ATG7: variants seen among roughly 807,000 people sequenced by gnomAD.
The protein encoded by ATG7 is ubiquitin-like modifier-activating enzyme ATG7.
ATG7 carries 70 observed loss-of-function variants against 82.4 expected under a neutral mutation model. That is an observed-to-expected ratio of 0.85 (90% CI 0.70 to 1.04). ATG7 has a LOEUF of 1.04. Ranked by LOEUF, ATG7 falls within the 50% of genes least tolerant of loss-of-function variation. The pLI is 0.00. For missense variants in ATG7, 792 were observed against 864.3 expected, an observed-to-expected ratio of 0.92 and a Z score of 1.05; for synonymous variants, 287 against 313.0, an observed-to-expected ratio of 0.92 and a Z score of 0.88.
At chr3:11,379,031 G>A (rs1386554684) in intron 18 of ATG7, among the ~76,000 whole-genome samples, 1 of 152,028 alleles carries the variant, frequency 6.6e-6, no homozygotes, top group Admixed American at 6.5e-5. Context: ...GAGAAGCTCA[G>A]GCCGGGGGCA....
Position 11,554,948 on chromosome 3 carries a change from C to G in ATG7, c.*105C>G. Reference sequence around the variant, plus strand: ...CAGGCCTGGTGATTCTGGGCCCCTCCTCCATACCCCGAGGTCTGGGATTCC... The same window carrying G: ...CAGGCCTGGTGATTCTGGGCCCCTCGTCCATACCCCGAGGTCTGGGATTCC... On this transcript the variant is annotated 3_prime_UTR_variant, in exon 21 of 21. Coordinates refer to ENST00000693202, the MANE Select transcript of ATG7 (RefSeq NM_001349232.2). 4 of 1,405,802 alleles carry G rather than the reference C, an allele frequency of 2.8e-6. No homozygotes were observed. Among genetic ancestry groups the G allele is most frequent in the Non-Finnish European group, 3.8e-6 (4 of 1,041,618 alleles). 87.1% of individuals were successfully genotyped at this position (1,405,802 alleles called of 1,614,324 possible). A position where few individuals can be genotyped will look rare whatever the true frequency, so the allele number is the denominator to read the frequency against.
chr3:11,456,457 T>C (rs761279305), intron 20 of ATG7, among the ~76,000 whole-genome samples: 3 of 152,250 alleles, frequency 2.0e-5, no homozygotes, highest in African/African-American at 7.2e-5. Flanking sequence ...CGTGTACAAG[T>C]TGTTGTATGA....
intron 20 of ATG7, among the ~76,000 whole-genome samples, chr3:11,524,457 GTTTTTTAT>G (rs940843873): frequency 3.9e-5 from 6 of 152,118 alleles, no homozygotes; most frequent in Non-Finnish European, 8.8e-5. Context: ...TGTATAGTCT[GTTTTTTAT>G]GCTTTAATAA....
intron 9 of ATG7, among the ~76,000 whole-genome samples, chr3:11,318,601 T>C (rs1051553206): frequency 6.6e-6 from 1 of 152,234 alleles, no homozygotes; most frequent in African/African-American, 2.4e-5. Context: ...AATTTGATCA[T>C]GTAACTCTTC....
intron 3 of ATG7, among the ~76,000 whole-genome samples, chr3:11,294,037 AAAAG>A (rs1293359697): frequency 7.3e-5 from 11 of 151,536 alleles, no homozygotes; most frequent in South Asian, 2.1e-4. Context: ...AAAAAAAAGA[AAAAG>A]AAAGAAAGAA....
chr3:11,521,357 C>A (rs927266533), intron 20 of ATG7, among the ~76,000 whole-genome samples: 1 of 152,074 alleles, frequency 6.6e-6, no homozygotes, highest in Admixed American at 6.5e-5. Flanking sequence ...AGGGTGACCT[C>A]ACCTGGACTC....
chr3:11,574,330 C>G, the ATG7 span, among the ~76,000 whole-genome samples: 1 of 152,164 alleles, frequency 6.6e-6, no homozygotes, highest in African/African-American at 2.4e-5. Flanking sequence ...AAAGAGAGGT[C>G]CTGAGATCCA....
chr3:11,306,093 T>C (rs527819729), intron 5 of ATG7, among the ~76,000 whole-genome samples: 68 of 152,188 alleles, frequency 4.5e-4, no homozygotes, highest in Non-Finnish European at 7.5e-4. Flanking sequence ...CCTCTTCTCT[T>C]CTCCTGACTT....
In ATG7 at chr3:11,347,886, G is replaced by C. The variant is rs539946500; in HGVS notation, c.1135G>C (p.Val379Leu). The C allele has an allele frequency of 1.2e-6, 2 of 1,613,886 alleles. No individual in the cohort carries two copies. The highest frequency in any genetic ancestry group is 1.1e-5 in the South Asian group (1 of 91,042). The change falls in exon 14 of 21, where the codon GTG becomes CTG. Residue 379 changes from valine (V) to leucine (L), a missense_variant. Val to Leu is a conservative substitution (Grantham distance 32). Coordinates refer to ENST00000693202, the MANE Select transcript of ATG7 (RefSeq NM_001349232.2). Reference protein sequence around the residue: ...NVARTLMGWGVRHITFVDNAK... With the variant: ...NVARTLMGWGLRHITFVDNAK... ...TCCTGTTTCCACACAGGGTTGGGGC[G>C]TGAGACACATCACATTTGTGGACAA...
chr3:11,551,159 G>A (rs371330517), intron 20 of ATG7, among the ~76,000 whole-genome samples: 1 of 151,996 alleles, frequency 6.6e-6, no homozygotes, highest in East Asian at 1.9e-4. Context: ...TTCTGTACTC[G>A]TCGTGTCCTG....
In ATG7 at chr3:11,420,954, A is replaced by G. The variant is rs141570770; in HGVS notation, c.1957-5850A>G. ...GTATTTTTAGTAGAGATGGGGTTTC[A>G]CCGTGTTAGCCAGGATGGTCTCAAT... is the stretch of plus-strand genomic sequence containing the variant. On this transcript the variant is annotated intron_variant, in intron 19 of 20. Coordinates refer to ENST00000693202, the MANE Select transcript of ATG7 (RefSeq NM_001349232.2). 8.1e-3 allele frequency among the ~76,000 whole-genome samples: 1,227 copies of G among 151,916 alleles called. 8 individuals are homozygous for G. The highest frequency in any genetic ancestry group is 0.023 in the South Asian group (112 of 4,798).
chr3:11,275,690 C>A (rs1941625908), intron 1 of ATG7, among the ~76,000 whole-genome samples: 1 of 152,054 alleles, frequency 6.6e-6, no homozygotes, highest in African/African-American at 2.4e-5. Context: ...CCACCCTTCT[C>A]CAGTGCGATT....
intron 18 of ATG7, among the ~76,000 whole-genome samples, chr3:11,375,379 A>C (rs1350099017): frequency 2.0e-5 from 3 of 152,252 alleles, no homozygotes; most frequent in Non-Finnish European, 4.4e-5. Context: ...AAGATAGACA[A>C]GTGGTCAAGA....
intron 9 of ATG7, among the ~76,000 whole-genome samples, chr3:11,322,864 C>T (rs1356664814): frequency 1.3e-5 from 2 of 152,130 alleles, no homozygotes; most frequent in South Asian, 4.1e-4. Context: ...TCTGGGAGAC[C>T]TAGGTGAGAG....
Position 11,424,093 on chromosome 3 carries a change from CT to C in ATG7, c.1957-2710del, listed in dbSNP as rs566888487. On this transcript the variant is annotated intron_variant, in intron 19 of 20. Coordinates refer to ENST00000693202, the MANE Select transcript of ATG7 (RefSeq NM_001349232.2). ...TATCTAGACCCTAGAGCTCCCCTGC[CT>C]CCCGTCGCCTGGTCCTTTCGCTTTT... 8.2e-4 allele frequency among the ~76,000 whole-genome samples: 125 copies of C among 152,086 alleles called. 2 individuals carry two copies. In the Middle Eastern group the frequency reaches 0.014, roughly 17 times the overall value.
At chr3:11,301,085 G>T (rs370568365) in intron 5 of ATG7, among the ~76,000 whole-genome samples, 1 of 152,146 alleles carries the variant, frequency 6.6e-6, no homozygotes, top group Non-Finnish European at 1.5e-5. Context: ...AGGACACAGG[G>T]GTTGTCAGAG....
At chr3:11,427,068 C>T in intron 20 of ATG7, 142 bp downstream of exon 20, 1 of 1,116,330 alleles carries the variant, frequency 9.0e-7, no homozygotes, top group Non-Finnish European at 1.2e-6. Flanking sequence ...TGCTAGTTAC[C>T]AGAGAACGAA....
the ATG7 span, among the ~76,000 whole-genome samples, chr3:11,573,043 G>C: frequency 6.6e-6 from 1 of 151,750 alleles, no homozygotes. Flanking sequence ...GTGGGCGCCT[G>C]TAATCCCAGC....
chr3:11,482,742 G>A (rs955349548), intron 20 of ATG7, among the ~76,000 whole-genome samples: 4 of 151,540 alleles, frequency 2.6e-5, no homozygotes, highest in Non-Finnish European at 5.9e-5. Context: ...GATATCTAGT[G>A]CCAGGCTACT....
Sources: allele counts gnomAD v4.1 joint callset (sites outside exome capture counted in the v4.1 genomes callset), GRCh38; gene constraint gnomAD v4.1.1; transcripts MANE v1.5; gene names NCBI Gene and HGNC (gene_info 2026-07-23, HGNC 2026-07-21).